The following ZNF280D variants were observed in gnomAD, a reference collection of about 807,000 sequenced individuals.
ZNF280D encodes the protein suppressor of hairy wing homolog 4.
Under a neutral mutation model 94.7 loss-of-function variants are expected in ZNF280D, and 39 were observed. That is an observed-to-expected ratio of 0.41 (90% confidence interval 0.32 to 0.54). The LOEUF (loss-of-function observed/expected upper bound fraction) is 0.54. Ranked by LOEUF, ZNF280D falls within the 20% of genes least tolerant of loss-of-function variation. ZNF280D has a pLI of 0.22. For synonymous variants in ZNF280D, 398 were observed against 377.6 expected, an observed-to-expected ratio of 1.05 and a Z score of -0.63; for missense variants, 1,090 against 1,149.3, an observed-to-expected ratio of 0.95 and a Z score of 0.75.
chr15:56,643,417 T>C (rs2052724882), intron 19 of ZNF280D, among the ~76,000 whole-genome samples: 1 of 151,652 alleles, frequency 6.6e-6, no homozygotes, highest in Non-Finnish European at 1.5e-5. Flanking sequence ...TGAAAAAAGA[T>C]AAATATTTTA....
Position 56,668,828 on chromosome 15 carries a change from T to C in ZNF280D, c.1540A>G (p.Thr514Ala). Reference protein sequence around the residue: ...PKQLEGLPPGTKVTIRASVGP... With the variant: ...PKQLEGLPPGAKVTIRASVGP... ...TACAATATATTTTAACTCACTTTTGTTCCAGGAGGCAATCCTTCTAGTTGT... is the reference window on the plus strand; with the variant it reads ...TACAATATATTTTAACTCACTTTTGCTCCAGGAGGCAATCCTTCTAGTTGT... The change falls in exon 14 of 22, where the codon ACA (threonine) becomes GCA (alanine). Residue 514 changes from threonine to alanine, a missense_variant. Coordinates refer to ENST00000267807, the MANE Select transcript of ZNF280D (RefSeq NM_017661.4). 1 of 1,600,730 alleles carries C rather than the reference T, an allele frequency of 6.2e-7. No homozygotes were observed. The highest frequency in any genetic ancestry group is 8.5e-7 in the Non-Finnish European group (1 of 1,175,302).
intron 1 of ZNF280D, among the ~76,000 whole-genome samples, chr15:56,727,744 A>G (rs1465019256): frequency 6.6e-6 from 1 of 152,236 alleles, no homozygotes; most frequent in African/African-American, 2.4e-5. Flanking sequence ...TAACACAAAG[A>G]TAGACAGCAG....
intron 21 of ZNF280D, among the ~76,000 whole-genome samples, chr15:56,633,641 C>G (rs562124053): frequency 6.6e-6 from 1 of 151,890 alleles, no homozygotes; most frequent in Non-Finnish European, 1.5e-5. Flanking sequence ...CAGGCACGTG[C>G]CACCAAGCCC....
Position 56,706,212 on chromosome 15 carries a change from C to A in ZNF280D, c.28+870G>T, listed in dbSNP as rs540558938. 4.8e-5 allele frequency among the ~76,000 whole-genome samples: 7 copies of A among 144,782 alleles called. No homozygotes were observed. In the East Asian group the frequency reaches 1.4e-3, roughly 30 times the overall value. 95.0% of individuals were successfully genotyped at this position (144,782 alleles called of 152,430 possible). On this transcript the variant is annotated intron_variant, in intron 3 of 21. Transcript: ENST00000267807. ...GATGGAGGACAGGCACAGTGGCTCA[C>A]ACCTATAATCACAACACTTTGGGAG...
Position 56,631,574 on chromosome 15 carries a change from T to A in ZNF280D, c.2864A>T (p.Asp955Val). ...KTDEVVSDQT[D>V]DIPGGNNPST... ...AGGGTTATTTCCTCCAGGAATGTCA[T>A]CTGTTTGATCAGACACTACTTCATC... The change falls in exon 22 of 22, where the codon GAT (aspartate) becomes GTT (valine). Residue 955 changes from aspartate to valine, a missense_variant. Coordinates refer to ENST00000267807, the MANE Select transcript of ZNF280D (RefSeq NM_017661.4). The A allele has an allele frequency of 6.2e-7, 1 of 1,614,114 alleles. No individual in the cohort carries two copies. Among genetic ancestry groups the A allele is most frequent in the Non-Finnish European group, 8.5e-7 (1 of 1,179,992 alleles).
intron 6 of ZNF280D, among the ~76,000 whole-genome samples, chr15:56,695,769 C>T (rs1385095634): frequency 6.6e-6 from 1 of 152,102 alleles, no homozygotes. Flanking sequence ...ACCTTGTGAT[C>T]TGCCCACTTT....
At chr15:56,704,031 G>C (rs2057250095) in intron 4 of ZNF280D, 90 bp downstream of exon 4, 3 of 1,393,170 alleles carry the variant, frequency 2.2e-6, no homozygotes, top group Non-Finnish European at 2.9e-6. Context: ...AGTGGAACAT[G>C]AACATCAACT....
At chr15:56,677,919 A>T (rs140878939) in intron 11 of ZNF280D, among the ~76,000 whole-genome samples, 4 of 152,218 alleles carry the variant, frequency 2.6e-5, no homozygotes, top group Non-Finnish European at 5.9e-5. Context: ...AGTATTAAGT[A>T]ACGTGGCTAA....
chr15:56,666,674 A>T lies in ZNF280D; in HGVS notation c.1853+5T>A, dbSNP rs778766137. The stretch of plus-strand genomic sequence containing the variant: ...TTATATTGTATATCAGGAATAAAAG[A>T]TTACCTTAAATTCCTCAATGCTGTA... On this transcript the variant is annotated splice_donor_5th_base_variant and intron_variant, in intron 15 of 21. Transcript: ENST00000267807. 1 of 1,581,038 alleles carries T rather than the reference A, an allele frequency of 6.3e-7. No homozygotes were observed. Among genetic ancestry groups the T allele is most frequent in the African/African-American group, 1.4e-5 (1 of 73,048 alleles).
chr15:56,651,517 C>A lies in ZNF280D; in HGVS notation c.2213+2681G>T, dbSNP rs530023956. 4.6e-5 allele frequency among the ~76,000 whole-genome samples: 7 copies of A among 152,110 alleles called. No homozygotes were observed. The South Asian group carries it at 1.5e-3, about 32-fold the overall frequency. ...TGGGAAAGAACTTTAAGAATTCATA[C>A]TTTAAGAAAATGAATTTGATACATA... On this transcript the variant is annotated intron_variant, in intron 19 of 21. Transcript: ENST00000267807.
At position 56,669,899 on chromosome 15, in the gene ZNF280D, TATAA is replaced by T. The variant is rs1173688625; in HGVS notation, c.1411-946_1411-943del. Among the ~76,000 whole-genome samples, 11 of 7,852 alleles carry T rather than the reference TATAA, an allele frequency of 1.4e-3. 3 individuals are homozygous for T. Among genetic ancestry groups the T allele is most frequent in the African/African-American group, 3.9e-3 (9 of 2,312 alleles). The allele number at this position is 7,852 out of a possible 152,430, so 5.2% of individuals were successfully genotyped here. A position where few individuals can be genotyped will look rare whatever the true frequency, so the allele number is the denominator to read the frequency against. Reference sequence around the variant, plus strand: ...TATATATATATATATTATATATATATATAATATATATATATTATATATATATTAT... The same window carrying T: ...TATATATATATATATTATATATATATTATATATATATTATATATATATTAT... On this transcript the variant is annotated intron_variant, in intron 13 of 21. Transcript: ENST00000267807.
Position 56,689,098 on chromosome 15 carries a change from A to G in ZNF280D, c.723T>C (p.Ala241=). Residue 241 remains alanine, a synonymous_variant, in exon 9 of 22, where the codon GCT becomes GCC. Coordinates refer to ENST00000267807, the MANE Select transcript of ZNF280D (RefSeq NM_017661.4). The stretch of plus-strand genomic sequence containing the variant: ...TGAAATGAATGTTGCACTTTGGACA[A>G]GCTCTTGGAAAAGGTGTTCCATTTT... ...QSKNGTPFPR[A]CPKCNIHFNL... is the part of the protein sequence containing the mutation. 2 of 1,611,286 alleles carry G rather than the reference A, an allele frequency of 1.2e-6. No individual in the cohort carries two copies. The highest frequency in any genetic ancestry group is 1.3e-5 in the African/African-American group (1 of 74,970).
At chr15:56,682,103 A>G (rs1415274492) in intron 10 of ZNF280D, 151 bp downstream of exon 10, 2 of 544,570 alleles carry the variant, frequency 3.7e-6, no homozygotes, top group East Asian at 3.4e-5. Context: ...GAAAGGACAG[A>G]GCTTTTCAAC....
intron 16 of ZNF280D, among the ~76,000 whole-genome samples, chr15:56,663,078 G>A (rs2054057214): frequency 6.6e-6 from 1 of 150,752 alleles, no homozygotes; most frequent in South Asian, 2.1e-4. Context: ...AAGCCCAGGA[G>A]CCCATGACCA....
chr15:56,708,744 A>C (rs1316707992), intron 1 of ZNF280D, among the ~76,000 whole-genome samples: 2 of 152,224 alleles, frequency 1.3e-5, no homozygotes, highest in Non-Finnish European at 2.9e-5. Flanking sequence ...CCTGACAAAA[A>C]CAAGAAATGG....
rs576678584 is a variant in ZNF280D at position 56,649,532 on chromosome 15, T to C, written c.2213+4666A>G. 7.8e-4 allele frequency among the ~76,000 whole-genome samples: 119 copies of C among 152,142 alleles called. 1 individual carries two copies. The highest frequency in any genetic ancestry group is 2.6e-3 in the African/African-American group (108 of 41,530). ...ATGTCTATGGTAGGATGAGAGAATC[T>C]AGGGGCTAAAATCCCGGTCACATTT... On this transcript the variant is annotated intron_variant, in intron 19 of 21. Coordinates refer to ENST00000267807, the MANE Select transcript of ZNF280D (RefSeq NM_017661.4).
chr15:56,643,650 A>G (rs972788149), intron 19 of ZNF280D, among the ~76,000 whole-genome samples: 4 of 152,006 alleles, frequency 2.6e-5, no homozygotes. Flanking sequence ...AAAATAATCA[A>G]TTTAATCTAA....
At chr15:56,727,475 A>G (rs28602333) in intron 1 of ZNF280D, among the ~76,000 whole-genome samples, 1 of 152,186 alleles carries the variant, frequency 6.6e-6, no homozygotes, top group African/African-American at 2.4e-5. Context: ...GAAAAAAAAG[A>G]AAAAAGATAG....
At chr15:56,668,983 G>T (rs142653459) in intron 13 of ZNF280D, 26 bp from the exon 14 acceptor site, 1 of 1,589,734 alleles carries the variant, frequency 6.3e-7, no homozygotes, top group Non-Finnish European at 8.5e-7. Flanking sequence ...CAGAAAAAGG[G>T]GGAAAAATAA....
Sources: gnomAD v4.1 joint callset for allele counts (sites outside exome capture counted in the v4.1 genomes callset) on GRCh38, gnomAD v4.1.1 for gene constraint, MANE v1.5 for transcripts, NCBI Gene and HGNC (gene_info 2026-07-23, HGNC 2026-07-21) for gene names.